Variants in LOC128125817 observed in about 807,000 individuals in gnomAD.
At chr1:41,595,980 G>C in the LOC128125817 span, among the ~76,000 whole-genome samples, 4 of 152,018 alleles carry the variant, frequency 2.6e-5, no homozygotes, top group African/African-American at 9.7e-5. Flanking sequence ...TAGTAGTTCT[G>C]TCCCTCTAGA....
the LOC128125817 span, among the ~76,000 whole-genome samples, chr1:41,590,163 C>T: frequency 6.6e-6 from 1 of 152,196 alleles, no homozygotes; most frequent in Non-Finnish European, 1.5e-5. Flanking sequence ...CAGATATAAG[C>T]ATATGGGTCT....
At chr1:41,618,653 C>T in the LOC128125817 span, among the ~76,000 whole-genome samples, 30 of 151,684 alleles carry the variant, frequency 2.0e-4, no homozygotes, top group Non-Finnish European at 1.0e-4. Flanking sequence ...TTGTTCAAAG[C>T]CTTCCCTGAC....
chr1:41,601,638 T>G, the LOC128125817 span, among the ~76,000 whole-genome samples: 2 of 152,198 alleles, frequency 1.3e-5, no homozygotes, highest in Non-Finnish European at 2.9e-5. Context: ...GTTCTAATAC[T>G]TTTTAATGGC....
chr1:41,588,302 CA>C, the LOC128125817 span, among the ~76,000 whole-genome samples: 1 of 152,142 alleles, frequency 6.6e-6, no homozygotes, highest in South Asian at 2.1e-4. Context: ...AGAGCAGCCC[CA>C]AAACACCAGC....
chr1:41,588,049 C>T, the LOC128125817 span, among the ~76,000 whole-genome samples: 1 of 152,204 alleles, frequency 6.6e-6, no homozygotes, highest in East Asian at 1.9e-4. Flanking sequence ...GGTCGGGGAA[C>T]TCGTCCTGGC....
the LOC128125817 span, chr1:41,628,757 A>C: frequency 5.7e-6 from 7 of 1,232,154 alleles, no homozygotes; most frequent in Non-Finnish European, 7.1e-6. Flanking sequence ...ACCTGTGCTG[A>C]AGGCACCACT....
chr1:41,612,806 C>T, the LOC128125817 span, among the ~76,000 whole-genome samples: 1 of 152,250 alleles, frequency 6.6e-6, no homozygotes, highest in Admixed American at 6.5e-5. Flanking sequence ...CAGGGTACCA[C>T]AGTGCCAGCC....
At chr1:41,615,884 A>G in the LOC128125817 span, among the ~76,000 whole-genome samples, 1 of 131,554 alleles carries the variant, frequency 7.6e-6, no homozygotes, top group Non-Finnish European at 1.5e-5. Context: ...ATTATCATGC[A>G]TAATATTGCT....
At chr1:41,605,375 GCACACACACACA>G in the LOC128125817 span, among the ~76,000 whole-genome samples, 2 of 126,624 alleles carry the variant, frequency 1.6e-5, no homozygotes, top group African/African-American at 3.0e-5. Flanking sequence ...ACGCACACGC[GCACACACACACA>G]CACACACACA....
At chr1:41,587,800 C>T in the LOC128125817 span, among the ~76,000 whole-genome samples, 1 of 152,150 alleles carries the variant, frequency 6.6e-6, no homozygotes, top group East Asian at 1.9e-4. Flanking sequence ...GACCCCCCAG[C>T]CAGGACTGTC....
chr1:41,590,967 A>T, the LOC128125817 span, among the ~76,000 whole-genome samples: 1 of 152,184 alleles, frequency 6.6e-6, no homozygotes, highest in Admixed American at 6.5e-5. Context: ...TAGTCTCCCC[A>T]TCTGTAAAAA....
chr1:41,587,526 A>G, the LOC128125817 span, among the ~76,000 whole-genome samples: 10 of 152,382 alleles, frequency 6.6e-5, no homozygotes, highest in East Asian at 1.5e-3. Context: ...AAACCAGGAC[A>G]AAATGGTTAC....
At chr1:41,618,471 T>C in the LOC128125817 span, among the ~76,000 whole-genome samples, 2 of 152,220 alleles carry the variant, frequency 1.3e-5, no homozygotes, top group Admixed American at 6.5e-5. Context: ...CCCATCCTTG[T>C]GGCTCCTGGC....
the LOC128125817 span, among the ~76,000 whole-genome samples, chr1:41,591,676 G>A: frequency 1.3e-4 from 19 of 151,830 alleles, no homozygotes; most frequent in East Asian, 3.3e-3. Flanking sequence ...TGTACTTCTT[G>A]GTCACTGGAT....
the LOC128125817 span, among the ~76,000 whole-genome samples, chr1:41,615,372 T>A: frequency 1.3e-5 from 2 of 152,104 alleles, no homozygotes; most frequent in Admixed American, 6.6e-5. Context: ...CTGCCCCCCA[T>A]CTCCTCCACC....
chr1:41,585,917 T>C, the LOC128125817 span, among the ~76,000 whole-genome samples: 1 of 152,166 alleles, frequency 6.6e-6, no homozygotes, highest in Non-Finnish European at 1.5e-5. Flanking sequence ...CCCTGGGTTC[T>C]GAAAGTGTCC....
At chr1:41,592,338 C>A in the LOC128125817 span, among the ~76,000 whole-genome samples, 1 of 152,204 alleles carries the variant, frequency 6.6e-6, no homozygotes, top group Non-Finnish European at 1.5e-5. Flanking sequence ...TGAAATTGGG[C>A]TGAATGATCT....
chr1:41,608,235 A>G, the LOC128125817 span, among the ~76,000 whole-genome samples: 1 of 152,164 alleles, frequency 6.6e-6, no homozygotes, highest in Non-Finnish European at 1.5e-5. Flanking sequence ...CAAGTCTCCT[A>G]GTAATAACCG....
the LOC128125817 span, among the ~76,000 whole-genome samples, chr1:41,617,708 G>T: frequency 6.6e-6 from 1 of 152,242 alleles, no homozygotes; most frequent in Non-Finnish European, 1.5e-5. Context: ...GTAGGATTCA[G>T]ACTTCTCATC....
Sources: gnomAD v4.1 joint callset for allele counts (sites outside exome capture counted in the v4.1 genomes callset) on GRCh38, gnomAD v4.1.1 for gene constraint, MANE v1.5 for transcripts.